The following ANKS1B variants were observed in gnomAD, a reference collection of about 807,000 sequenced individuals.
The protein encoded by ANKS1B is ankyrin repeat and sterile alpha motif domain-containing protein 1B.
In ANKS1B, 36 loss-of-function variants were observed where a neutral mutation model predicts 148.3. The ratio of observed to expected loss-of-function variants is 0.24; its 90% CI spans 0.19 to 0.32. The LOEUF is 0.32. Among genes scored for constraint, ANKS1B ranks in the 10% least tolerant of loss-of-function variants. ANKS1B has a pLI of 1.00. For synonymous variants in ANKS1B, 542 were observed against 560.8 expected (o/e 0.97, Z 0.47); for missense variants, 1,157 against 1,542.6 (o/e 0.75, Z 4.19).
intron 8 of ANKS1B, among the ~76,000 whole-genome samples, chr12:99,759,853 C>T (rs2061917951): frequency 6.6e-6 from 1 of 151,822 alleles, no homozygotes; most frequent in Non-Finnish European, 1.5e-5. Flanking sequence ...ACAATTAGCT[C>T]ATAAGTGTAA....
rs539080918 is a variant in ANKS1B at position 98,814,161 on chromosome 12, T to G, written c.3067-6243A>C. 1.2e-4 allele frequency among the ~76,000 whole-genome samples: 18 copies of G among 152,316 alleles called. No individual in the cohort carries two copies. In the South Asian group the frequency reaches 3.1e-3, roughly 26 times the overall value. ...TCCCAAAGTGCTTGGATTACAGGCATGAGCCACCGCGCCTGGCCATAATTA... is the reference window on the plus strand; with the variant it reads ...TCCCAAAGTGCTTGGATTACAGGCAGGAGCCACCGCGCCTGGCCATAATTA... On this transcript the variant is annotated intron_variant, in intron 19 of 26. Coordinates refer to ENST00000683438, the MANE Select transcript of ANKS1B (RefSeq NM_001352186.2).
intron 17 of ANKS1B, among the ~76,000 whole-genome samples, chr12:98,974,433 G>A (rs569428477): frequency 3.9e-5 from 6 of 152,258 alleles, no homozygotes; most frequent in African/African-American, 1.4e-4. Flanking sequence ...GCTGAAATCA[G>A]TGCTTGCCCC....
chr12:99,009,013 A>G (rs954365027), intron 17 of ANKS1B, among the ~76,000 whole-genome samples: 7 of 152,148 alleles, frequency 4.6e-5, no homozygotes, highest in African/African-American at 1.7e-4. Flanking sequence ...GGCTAGGAAT[A>G]CCATTAGTTC....
chr12:99,215,132 C>T (rs536375660), intron 14 of ANKS1B, among the ~76,000 whole-genome samples: 4 of 152,326 alleles, frequency 2.6e-5, no homozygotes, highest in South Asian at 2.1e-4. Context: ...GGGAAGCAGG[C>T]TATTGCTTCA....
chr12:98,828,530 T>C (rs1388730760), intron 19 of ANKS1B, among the ~76,000 whole-genome samples: 1 of 152,194 alleles, frequency 6.6e-6, no homozygotes, highest in African/African-American at 2.4e-5. Context: ...CCCATCTGAA[T>C]GTACATTAAG....
intron 10 of ANKS1B, among the ~76,000 whole-genome samples, chr12:99,455,858 A>T (rs1359001757): frequency 1.3e-5 from 2 of 152,134 alleles, no homozygotes; most frequent in Non-Finnish European, 2.9e-5. Flanking sequence ...GACTAAGGAC[A>T]TAATCTCTTG....
At chr12:99,803,705 A>T (rs1370741255) in intron 4 of ANKS1B, among the ~76,000 whole-genome samples, 1 of 152,222 alleles carries the variant, frequency 6.6e-6, no homozygotes, top group Non-Finnish European at 1.5e-5. Context: ...AAGCACTCAA[A>T]TTCAATATTT....
intron 17 of ANKS1B, among the ~76,000 whole-genome samples, chr12:98,987,196 T>C (rs1255823757): frequency 6.6e-6 from 1 of 151,810 alleles, no homozygotes; most frequent in Non-Finnish European, 1.5e-5. Context: ...TAATTTATTC[T>C]CAGAAATGTG....
At position 99,403,134 on chromosome 12, in the gene ANKS1B, G is replaced by A. The variant is rs1222053740; in HGVS notation, c.1576-3323C>T. Among the ~76,000 whole-genome samples the A allele has an allele frequency of 7.8e-5, 10 of 127,410 alleles. 2 individuals carry two copies. The highest frequency in any genetic ancestry group is 2.7e-4 in the African/African-American group (9 of 33,080). The allele number at this position is 127,410 out of a possible 152,430, so 83.6% of individuals were successfully genotyped here. A position where few individuals can be genotyped will look rare whatever the true frequency, so the allele number is the denominator to read the frequency against. On this transcript the variant is annotated intron_variant, in intron 11 of 26. Transcript: ENST00000683438. ...TGTATGTCTTCTTTTGAGCAGCAGT[G>A]TCTGTTCACTTTTCTTTCTTTTTTT...
At chr12:99,587,717 AT>A (rs890377819) in intron 9 of ANKS1B, among the ~76,000 whole-genome samples, 11 of 152,190 alleles carry the variant, frequency 7.2e-5, no homozygotes, top group African/African-American at 2.7e-4. Context: ...AAAGTTTCAC[AT>A]TTGTACATGT....
At chr12:99,650,240 C>T (rs1271763427) in intron 9 of ANKS1B, among the ~76,000 whole-genome samples, 1 of 96,082 alleles carries the variant, frequency 1.0e-5, no homozygotes, top group Non-Finnish European at 2.6e-5. Context: ...GAGAATTATT[C>T]TAAAACTGTT....
chr12:98,796,151 G>A (rs1327527376), intron 22 of ANKS1B, among the ~76,000 whole-genome samples: 1 of 152,048 alleles, frequency 6.6e-6, no homozygotes, highest in African/African-American at 2.4e-5. Flanking sequence ...TTGTGAACTC[G>A]GTGGATTTTA....
chr12:99,208,067 G>A (rs1253315055), intron 14 of ANKS1B, among the ~76,000 whole-genome samples: 2 of 152,068 alleles, frequency 1.3e-5, no homozygotes, highest in Non-Finnish European at 1.5e-5. Flanking sequence ...TTATTGATCT[G>A]TTCTTAATAG....
At chr12:99,009,452 G>C (rs938673254) in intron 17 of ANKS1B, among the ~76,000 whole-genome samples, 4 of 152,184 alleles carry the variant, frequency 2.6e-5, no homozygotes, top group African/African-American at 9.6e-5. Context: ...ATGCCCCCCA[G>C]ACTTCCTTCT....
chr12:99,255,651 T>G (rs2075167558), intron 12 of ANKS1B, among the ~76,000 whole-genome samples: 1 of 152,146 alleles, frequency 6.6e-6, no homozygotes, highest in African/African-American at 2.4e-5. Context: ...CATTTGATAT[T>G]TAGCATTTAT....
At chr12:99,629,073 T>G (rs1190437722) in intron 9 of ANKS1B, among the ~76,000 whole-genome samples, 1 of 152,138 alleles carries the variant, frequency 6.6e-6, no homozygotes, top group African/African-American at 2.4e-5. Flanking sequence ...GTCCGTTCAT[T>G]TTCATATTAT....
intron 9 of ANKS1B, among the ~76,000 whole-genome samples, chr12:99,516,722 C>T (rs889668736): frequency 1.3e-5 from 2 of 151,912 alleles, no homozygotes; most frequent in African/African-American, 4.8e-5. Context: ...GCATGTTCTC[C>T]ATGTGTATCC....
chr12:99,719,226 A>G (rs538859114), intron 8 of ANKS1B, among the ~76,000 whole-genome samples: 100 of 152,090 alleles, frequency 6.6e-4, no homozygotes, highest in Non-Finnish European at 1.3e-3. Flanking sequence ...CAGTTCTCAT[A>G]ACTTCTAAAA....
chr12:99,097,706 C>G (rs4762554), intron 15 of ANKS1B, among the ~76,000 whole-genome samples: 2 of 151,912 alleles, frequency 1.3e-5, no homozygotes, highest in South Asian at 4.2e-4. Context: ...GAAATGAGCA[C>G]GGGATTAGGA....
Sources: allele counts gnomAD v4.1 joint callset (sites outside exome capture counted in the v4.1 genomes callset), GRCh38; gene constraint gnomAD v4.1.1; transcripts MANE v1.5; gene names NCBI Gene and HGNC (gene_info 2026-07-23, HGNC 2026-07-21).